The following MAD1L1 variants were observed in gnomAD, a reference collection of about 807,000 sequenced individuals.
The protein encoded by MAD1L1 is mitotic arrest deficient 1 like 1.
A neutral mutation model predicts 96.9 loss-of-function variants in MAD1L1; 95 were observed. The observed-to-expected ratio is 0.98, with a 90% CI of 0.83 to 1.16. The LOEUF is 1.16. Ranked by LOEUF, MAD1L1 falls within the 50% of genes most tolerant of loss-of-function variation. The pLI is 0.00. For synonymous variants in MAD1L1, 473 were observed against 396.6 expected, an observed-to-expected ratio of 1.19 and a Z score of -2.29; for missense variants, 1,007 against 954.4, an observed-to-expected ratio of 1.06 and a Z score of -0.73.
chr7:1,856,585 G>A (rs1169266149), intron 18 of MAD1L1, among the ~76,000 whole-genome samples: 6 of 152,246 alleles, frequency 3.9e-5, no homozygotes, highest in African/African-American at 7.2e-5. Context: ...TATCCGCTGC[G>A]TGCTGTGTGA....
At chr7:1,987,528 G>A (rs1584005428) in intron 14 of MAD1L1, among the ~76,000 whole-genome samples, 1 of 152,100 alleles carries the variant, frequency 6.6e-6, no homozygotes, top group Non-Finnish European at 1.5e-5. Flanking sequence ...TTGAGAAGCC[G>A]TGTAGACATA....
Position 2,213,229 on chromosome 7 carries a change from G to C in MAD1L1, c.969C>G (p.Thr323=). Residue 323 remains threonine, a synonymous_variant, in exon 10 of 19, where the codon ACC becomes ACG. Coordinates refer to ENST00000265854, the MANE Select transcript of MAD1L1 (RefSeq NM_001013836.2). ...TTCCCTACCTGATGCTCAGGCCCAT[G>C]GTCTGGTCCAGTCTCTCCCAGCTTT... ...KLQSWERLDQ[T]MGLSIRTPED... 2 of 1,614,182 alleles carry C rather than the reference G, an allele frequency of 1.2e-6. No individual in the cohort carries two copies. The highest frequency in any genetic ancestry group is 1.7e-6 in the Non-Finnish European group (2 of 1,180,040).
chr7:2,084,295 C>G (rs1054500085), intron 11 of MAD1L1, among the ~76,000 whole-genome samples: 1 of 152,224 alleles, frequency 6.6e-6, no homozygotes, highest in Non-Finnish European at 1.5e-5. Flanking sequence ...GGCCTGTCCA[C>G]AGGTGTGGCC....
chr7:1,927,990 G>C (rs1395298204), intron 17 of MAD1L1, among the ~76,000 whole-genome samples: 1 of 152,214 alleles, frequency 6.6e-6, no homozygotes, highest in Non-Finnish European at 1.5e-5. Flanking sequence ...CAGCACGTGG[G>C]GGGCAGCTAC....
chr7:2,025,988 C>A (rs572414079), intron 12 of MAD1L1, among the ~76,000 whole-genome samples: 3 of 152,158 alleles, frequency 2.0e-5, no homozygotes, highest in Admixed American at 6.5e-5. Flanking sequence ...GCAAATGTAT[C>A]ATTAATTACA....
intron 18 of MAD1L1, among the ~76,000 whole-genome samples, chr7:1,887,374 T>C (rs780419715): frequency 2.8e-4 from 42 of 151,642 alleles, no homozygotes; most frequent in African/African-American, 6.5e-4. Context: ...TGGGTGGCTG[T>C]GCATGCGTGT....
intron 11 of MAD1L1, among the ~76,000 whole-genome samples, chr7:2,071,781 T>A (rs1785142381): frequency 6.6e-6 from 1 of 151,858 alleles, no homozygotes; most frequent in Non-Finnish European, 1.5e-5. Flanking sequence ...GTGGCCTCCA[T>A]CAAAACCCAA....
chr7:1,854,337 C>T, intron 18 of MAD1L1: 1 of 467,260 alleles, frequency 2.1e-6, no homozygotes, highest in South Asian at 1.5e-5. Context: ...CAGCTCGTCC[C>T]CAACCCCCGC....
At chr7:1,974,500 A>G (rs913930764) in intron 15 of MAD1L1, among the ~76,000 whole-genome samples, 25 of 152,228 alleles carry the variant, frequency 1.6e-4, no homozygotes, top group African/African-American at 5.5e-4. Context: ...TGCTTTATAC[A>G]TAAAAGAATC....
At chr7:1,857,508 G>A (rs1784316365) in intron 18 of MAD1L1, among the ~76,000 whole-genome samples, 1 of 152,222 alleles carries the variant, frequency 6.6e-6, no homozygotes, top group Admixed American at 6.5e-5. Context: ...TTCAGACAGA[G>A]GAACAGGACG....
At chr7:1,837,583 G>A (rs1277905400) in intron 18 of MAD1L1, among the ~76,000 whole-genome samples, 1 of 152,256 alleles carries the variant, frequency 6.6e-6, no homozygotes, top group Non-Finnish European at 1.5e-5. Flanking sequence ...AGACATTGTG[G>A]TCTATCCGTA....
chr7:1,840,007 C>A (rs1318030026), intron 18 of MAD1L1, among the ~76,000 whole-genome samples: 2 of 152,248 alleles, frequency 1.3e-5, no homozygotes, highest in East Asian at 3.9e-4. Flanking sequence ...GCTGCGCATC[C>A]AGCACCTGCA....
chr7:1,858,454 C>T lies in MAD1L1; in HGVS notation c.1998+39746G>A, dbSNP rs536987604. 9.8e-5 allele frequency among the ~76,000 whole-genome samples: 15 copies of T among 152,368 alleles called. No homozygotes were observed. In the East Asian group the frequency reaches 2.9e-3, roughly 29 times the overall value. The stretch of plus-strand genomic sequence containing the variant: ...GCCTCCCTTCCACCCAGGGGCTCTG[C>T]GTGTGAGAGGGTGGCGTCCACGGCG... On this transcript the variant is annotated intron_variant, in intron 18 of 18. Coordinates refer to ENST00000265854, the MANE Select transcript of MAD1L1 (RefSeq NM_001013836.2).
intron 11 of MAD1L1, among the ~76,000 whole-genome samples, chr7:2,100,645 G>A (rs930234708): frequency 5.3e-5 from 8 of 152,250 alleles, no homozygotes; most frequent in East Asian, 3.8e-4. Context: ...GGAAACGGCC[G>A]CACTGGGCCA....
At chr7:1,830,702 GGATGACTGTTAAA>G (rs796822912) in intron 18 of MAD1L1, among the ~76,000 whole-genome samples, 38 of 151,766 alleles carry the variant, frequency 2.5e-4, no homozygotes, top group African/African-American at 8.5e-4. Flanking sequence ...TATCATTCGA[GGATGACTGTTAAA>G]GATCTACGTG....
At chr7:2,231,279 C>T (rs1347437232) in intron 1 of MAD1L1, among the ~76,000 whole-genome samples, 3 of 151,864 alleles carry the variant, frequency 2.0e-5, no homozygotes, top group Non-Finnish European at 4.4e-5. Context: ...GCCTGGGTAA[C>T]GGGGTGAGAC....
rs538443504 is a variant in MAD1L1, at chr7:2,215,294, C to T, written c.924+591G>A. Among the ~76,000 whole-genome samples the T allele has an allele frequency of 2.0e-4, 29 of 148,106 alleles. No homozygotes were observed. In the South Asian group the frequency reaches 6.2e-3, roughly 32 times the overall value. ...TCAGGAGGCTGAGGCAGGAGACTCG[C>T]TTGTACCCGGGAGGCGGAGGTTGCA... On this transcript the variant is annotated intron_variant, in intron 9 of 18. Transcript: ENST00000265854.
rs1008986465 is a variant in MAD1L1 at position 1,968,508 on chromosome 7, C to T, written c.1506-10789G>A. ...CAGGTCCACTGTCCATGCCTCAGTC[C>T]GGCGGTCAGGTCCACCGTCAATGCC... On this transcript the variant is annotated intron_variant, in intron 15 of 18. Coordinates refer to ENST00000265854, the MANE Select transcript of MAD1L1 (RefSeq NM_001013836.2). This position sits in a 1 kb window ranked among gnomAD's most constrained non-coding sequence, Gnocchi z 5.6. Among the ~76,000 whole-genome samples the T allele has an allele frequency of 2.0e-4, 31 of 151,824 alleles. No homozygotes were observed. Among genetic ancestry groups the T allele is most frequent in the Admixed American group, 1.4e-3 (22 of 15,260 alleles).
chr7:2,218,083 G>A (rs1793389317), intron 6 of MAD1L1, 40 bp from the exon 7 acceptor site: 1 of 1,491,122 alleles, frequency 6.7e-7, no homozygotes, highest in East Asian at 2.3e-5. Flanking sequence ...AAACAGGCAT[G>A]CGGCAAGGCC....
Sources: gnomAD v4.1 joint callset for allele counts (sites outside exome capture counted in the v4.1 genomes callset) on GRCh38, gnomAD v4.1.1 for gene constraint, Gnocchi (gnomAD v3.1) non-coding constraint, MANE v1.5 for transcripts, NCBI Gene and HGNC (gene_info 2026-07-23, HGNC 2026-07-21) for gene names.